SLC35A4: variants seen among roughly 807,000 people sequenced by gnomAD.
SLC35A4 encodes probable UDP-sugar transporter protein SLC35A4.
A neutral mutation model predicts 18.8 loss-of-function variants in SLC35A4; 9 were observed. That is an observed-to-expected ratio of 0.48 (90% CI 0.29 to 0.83). The LOEUF (loss-of-function observed/expected upper bound fraction) is 0.83, where lower values mean the gene tolerates loss of function less well. Among genes scored for constraint, SLC35A4 ranks in the 40% least tolerant of loss-of-function variants. SLC35A4 has a pLI of 0.09. For missense variants in SLC35A4, 404 were observed against 415.5 expected (o/e 0.97, Z 0.24); for synonymous variants, 189 against 191.9 (o/e 0.98, Z 0.13).
At position 140,566,559 on chromosome 5, in the gene SLC35A4, C is replaced by G; in HGVS notation, c.-605-6C>G. 1 of 421,586 alleles carries G rather than the reference C, an allele frequency of 2.4e-6. No individual in the cohort carries two copies. The highest frequency in any genetic ancestry group is 4.2e-6 in the Non-Finnish European group (1 of 239,694). 26.1% of individuals were successfully genotyped at this position (421,586 alleles called of 1,614,324 possible). A position where few individuals can be genotyped will look rare whatever the true frequency, so the allele number is the denominator to read the frequency against. ...GCTAAGTTTCCTTCTGCATTTTTCT[C>G]TGCAGGATGGCTCGCTGTTGTCCTC... On this transcript the variant is annotated splice_region_variant and splice_polypyrimidine_tract_variant and intron_variant, in intron 2 of 2. Transcript: ENST00000323146.
In SLC35A4 at chr5:140,568,330, G is replaced by C. The variant is rs1755243233; in HGVS notation, c.*186G>C. ...GGTGGATGAAGGGGTACCCCTAGGA[G>C]ATGTGAAGTGTGGGTTTGGTTAAGG... On this transcript the variant is annotated 3_prime_UTR_variant, in exon 3 of 3. Transcript: ENST00000323146. The C allele has an allele frequency of 1.1e-6, 1 of 891,260 alleles. No homozygotes were observed. Among genetic ancestry groups the C allele is most frequent in the Non-Finnish European group, 1.7e-6 (1 of 587,046 alleles). 55.2% of individuals were successfully genotyped at this position (891,260 alleles called of 1,614,324 possible). A position where few individuals can be genotyped will look rare whatever the true frequency, so the allele number is the denominator to read the frequency against.
In SLC35A4 at chr5:140,565,971, G is replaced by A; in HGVS notation, c.-606G>A. 1 of 398,914 alleles carries A rather than the reference G, an allele frequency of 2.5e-6. No homozygotes were observed. The highest frequency in any genetic ancestry group is 4.4e-6 in the Non-Finnish European group (1 of 226,040). The allele number at this position is 398,914 out of a possible 1,614,324, so 24.7% of individuals were successfully genotyped here. A position where few individuals can be genotyped will look rare whatever the true frequency, so the allele number is the denominator to read the frequency against. On this transcript the variant is annotated splice_region_variant and 5_prime_UTR_variant, in exon 2 of 3. Coordinates refer to ENST00000323146, the MANE Select transcript of SLC35A4 (RefSeq NM_080670.4). ...ACGAAGTCAACAGTGGAGTGGGCCA[G>A]GTAAGGACTGTCCCACCCCACCCCT...
In SLC35A4 at chr5:140,567,862, G is replaced by C. The variant is rs1437599440; in HGVS notation, c.693G>C (p.Leu231=). 1 of 1,614,196 alleles carries C rather than the reference G, an allele frequency of 6.2e-7. No individual in the cohort carries two copies. The highest frequency in any genetic ancestry group is 8.5e-7 in the Non-Finnish European group (1 of 1,180,034). Residue 231 remains leucine, a synonymous_variant, in exon 3 of 3, where the codon CTG becomes CTC. Transcript: ENST00000323146. ...NLFLYTFGVL[L]NLGLHAGGGS... is the part of the protein sequence containing the mutation. ...TCCTCTACACTTTTGGTGTGCTTCT[G>C]AATCTAGGTCTGCATGCTGGCGGCG...
At position 140,567,433 on chromosome 5, in the gene SLC35A4, C is replaced by T. The variant is rs1294144773; in HGVS notation, c.264C>T (p.Pro88=). The T allele has an allele frequency of 4.3e-6, 7 of 1,614,126 alleles. No homozygotes were observed. The highest frequency in any genetic ancestry group is 1.3e-5 in the African/African-American group (1 of 75,074). Residue 88 remains proline (P), a synonymous_variant, in exon 3 of 3, where the codon CCC becomes CCT. Coordinates refer to ENST00000323146, the MANE Select transcript of SLC35A4 (RefSeq NM_080670.4). ...QGPPPWRQAA[P]FALSALLYGA... ...CCCCACCCTGGCGCCAGGCTGCTCC[C>T]TTCGCACTATCAGCCCTGCTCTATG... is the stretch of plus-strand genomic sequence containing the variant.
rs1206785505 is a variant in SLC35A4 at position 140,564,938 on chromosome 5, T to G, written c.-705+80T>G. On this transcript the variant is annotated intron_variant, in intron 1 of 2. Coordinates refer to ENST00000323146, the MANE Select transcript of SLC35A4 (RefSeq NM_080670.4). This position sits in a 1 kb window ranked among gnomAD's most constrained non-coding sequence, Gnocchi z 5.0. ...CTTTTTAGTTCCGGGGAGAAGCGAC[T>G]CTGGAGCGGCTCAGGAGTGAGGATG... 2 of 400,444 alleles carry G rather than the reference T, an allele frequency of 5.0e-6. No homozygotes were observed. Among genetic ancestry groups the G allele is most frequent in the African/African-American group, 2.1e-5 (1 of 48,626 alleles). 24.8% of individuals were successfully genotyped at this position (400,444 alleles called of 1,614,324 possible).
chr5:140,564,833 C>T lies in SLC35A4; in HGVS notation c.-730C>T, dbSNP rs990840646. On this transcript the variant is annotated 5_prime_UTR_variant, in exon 1 of 3. Transcript: ENST00000323146. This position sits in a 1 kb window ranked among gnomAD's most constrained non-coding sequence, Gnocchi z 5.0. ...CGGGGATGCGCCTGCGCAACAAGTT[C>T]GGCGGGGAAGATGGCGGATGACAAG... The T allele has an allele frequency of 3.7e-5, 15 of 402,302 alleles. No individual in the cohort carries two copies. Among genetic ancestry groups the T allele is most frequent in the African/African-American group, 2.7e-4 (13 of 48,640 alleles). 24.9% of individuals were successfully genotyped at this position (402,302 alleles called of 1,614,324 possible).
intron 1 of SLC35A4, chr5:140,565,088 A>G: frequency 5.1e-6 from 2 of 395,394 alleles, no homozygotes; most frequent in Non-Finnish European, 8.9e-6. Flanking sequence ...ACCATCACGA[A>G]CCCGTTACTA....
Position 140,567,526 on chromosome 5 carries a change from T to TAATC in SLC35A4, c.358_361dup (p.Leu121GlnfsTer240). On this transcript the variant is annotated frameshift_variant, in exon 3 of 3. Transcript: ENST00000323146. LOFTEE classifies it high-confidence loss of function. The stretch of plus-strand genomic sequence containing the variant: ...ACCCCAGCACCTACCAGGTGCTGAG[T>TAATC]AATCTCAAGATTGGAAGCACAGCTG... 1 of 1,614,186 alleles carries TAATC rather than the reference T, an allele frequency of 6.2e-7. No individual in the cohort carries two copies. The highest frequency in any genetic ancestry group is 8.5e-7 in the Non-Finnish European group (1 of 1,180,036).
chr5:140,568,372 C>T lies in SLC35A4; in HGVS notation c.*228C>T. ...TGGTTAAGGAAATGCTTACCATCCCCCACCCCCAACCAAGTTCTTCCAGAC... is the reference window on the plus strand; with the variant it reads ...TGGTTAAGGAAATGCTTACCATCCCTCACCCCCAACCAAGTTCTTCCAGAC... On this transcript the variant is annotated 3_prime_UTR_variant, in exon 3 of 3. Coordinates refer to ENST00000323146, the MANE Select transcript of SLC35A4 (RefSeq NM_080670.4). 1 of 633,922 alleles carries T rather than the reference C, an allele frequency of 1.6e-6. No homozygotes were observed. The allele number at this position is 633,922 out of a possible 1,614,324, so 39.3% of individuals were successfully genotyped here. A position where few individuals can be genotyped will look rare whatever the true frequency, so the allele number is the denominator to read the frequency against.
rs1208404952 is a variant in SLC35A4, at chr5:140,567,266, C to A, written c.97C>A (p.His33Asn). Residue 33 changes from histidine (H) to asparagine (N), a missense_variant, in exon 3 of 3, where the codon CAT (histidine) becomes AAT (asparagine). Transcript: ENST00000323146. ...CCTATCCACTGCCATGTACGGTGCC[C>A]ATGCCCCATTGCTGGCACTGTGCCA... is the stretch of plus-strand genomic sequence containing the variant. ...LLLSTAMYGA[H>N]APLLALCHVD... 1.9e-6 allele frequency: 3 copies of A among 1,614,240 alleles called. No individual in the cohort carries two copies. Among genetic ancestry groups the A allele is most frequent in the Non-Finnish European group, 2.5e-6 (3 of 1,180,040 alleles).
Position 140,567,060 on chromosome 5 carries a change from T to G in SLC35A4, c.-110T>G. On this transcript the variant is annotated 5_prime_UTR_variant, in exon 3 of 3. Coordinates refer to ENST00000323146, the MANE Select transcript of SLC35A4 (RefSeq NM_080670.4). ...TGCCTCTGATCCTCAGTATTCTCTCTGGCAATGTTCCACGGCTTCTCCTTC... is the reference window on the plus strand; with the variant it reads ...TGCCTCTGATCCTCAGTATTCTCTCGGGCAATGTTCCACGGCTTCTCCTTC... 3.2e-6 allele frequency: 5 copies of G among 1,542,222 alleles called. No homozygotes were observed. The highest frequency in any genetic ancestry group is 4.4e-6 in the Non-Finnish European group (5 of 1,124,398).
chr5:140,566,036 A>C (rs976804624), intron 2 of SLC35A4, 65 bp downstream of exon 2: 16 of 398,330 alleles, frequency 4.0e-5, no homozygotes, highest in Admixed American at 1.8e-4. Context: ...TGAGAGTGTT[A>C]AATGGATGGT....
rs1481133839 is a variant in SLC35A4 at position 140,567,349 on chromosome 5, C to G, written c.180C>G (p.Thr60=). The change falls in exon 3 of 3, where the codon ACC becomes ACG. Residue 60 remains threonine, a synonymous_variant. Transcript: ENST00000323146. ...CAGCCGTGCTGCTGACTGAGCTGAC[C>G]AAGCTACTGTTATGCGCCTTCTCCC... ...PSSAVLLTEL[T]KLLLCAFSLL... 3 of 1,614,050 alleles carry G rather than the reference C, an allele frequency of 1.9e-6. No homozygotes were observed. In the East Asian group the frequency reaches 6.7e-5, roughly 36 times the overall value.
At chr5:140,565,067 C>G (rs984991659) in intron 1 of SLC35A4, 3 of 397,030 alleles carry the variant, frequency 7.6e-6, no homozygotes, top group African/African-American at 4.1e-5. Context: ...CCCAGATGTC[C>G]CCTCCTGGGA....
chr5:140,565,789 C>G (rs1755170941), intron 1 of SLC35A4, 84 bp from the exon 2 acceptor site: 1 of 397,434 alleles, frequency 2.5e-6, no homozygotes, highest in East Asian at 3.6e-5. Context: ...CACCCCATCC[C>G]CTCCCAATTC....
In SLC35A4 at chr5:140,567,188, G is replaced by T. The variant is rs746557924; in HGVS notation, c.19G>T (p.Gly7Cys). 4.3e-6 allele frequency: 7 copies of T among 1,614,070 alleles called. No individual in the cohort carries two copies. Among genetic ancestry groups the T allele is most frequent in the Non-Finnish European group, 5.1e-6 (6 of 1,180,026 alleles). The change falls in exon 3 of 3, where the codon GGT (glycine) becomes TGT (cysteine). Residue 7 changes from glycine (G) to cysteine (C), a missense_variant. Coordinates refer to ENST00000323146, the MANE Select transcript of SLC35A4 (RefSeq NM_080670.4). ...TGTGGGTATGAGTGTAGAGGATGGGGGTATGCCAGGCCTGGGCCGTCCCAG... is the reference window on the plus strand; with the variant it reads ...TGTGGGTATGAGTGTAGAGGATGGGTGTATGCCAGGCCTGGGCCGTCCCAG... MSVEDG[G>C]MPGLGRPRQA...
At position 140,567,719 on chromosome 5, in the gene SLC35A4, A is replaced by G. The variant is rs1172224459; in HGVS notation, c.550A>G (p.Ile184Val). 1.2e-6 allele frequency: 2 copies of G among 1,614,134 alleles called. No homozygotes were observed. Among genetic ancestry groups the G allele is most frequent in the Admixed American group, 1.7e-5 (1 of 60,036 alleles). Residue 184 changes from isoleucine to valine, a missense_variant, in exon 3 of 3, where the codon ATC becomes GTC. Physicochemically the swap from Ile to Val is conservative, Grantham distance 29. Transcript: ENST00000323146. ...AAAASPMPLHITPLGLLLLIL... is the reference protein window; with the variant it reads ...AAAASPMPLHVTPLGLLLLIL... ...TGCTGCCAGCCCCATGCCCCTGCAT[A>G]TCACTCCGCTAGGCCTGCTGCTCCT...
chr5:140,565,163 A>G (rs1561877828), intron 1 of SLC35A4: 1 of 353,988 alleles, frequency 2.8e-6, no homozygotes, highest in East Asian at 4.2e-5. Flanking sequence ...AGCTCCCGAA[A>G]TTTTCTTCCC....
At position 140,565,910 on chromosome 5, in the gene SLC35A4, A is replaced by T. The variant is rs1755175395; in HGVS notation, c.-667A>T. ...AAGCTTAAGGACCTGGCATTTCTCAAGAACCAGCTGGAAAGCCTGCAGCGG... is the reference window on the plus strand; with the variant it reads ...AAGCTTAAGGACCTGGCATTTCTCATGAACCAGCTGGAAAGCCTGCAGCGG... On this transcript the variant is annotated 5_prime_UTR_variant, in exon 2 of 3. The change creates a new upstream start codon in the 5' untranslated region. Transcript: ENST00000323146. 2.5e-6 allele frequency: 1 copy of T among 398,896 alleles called. No homozygotes were observed. Among genetic ancestry groups the T allele is most frequent in the Admixed American group, 4.4e-5 (1 of 22,710 alleles). The allele number at this position is 398,896 out of a possible 1,614,324, so 24.7% of individuals were successfully genotyped here. A position where few individuals can be genotyped will look rare whatever the true frequency, so the allele number is the denominator to read the frequency against.
Sources: allele counts gnomAD v4.1 joint callset, GRCh38; gene constraint gnomAD v4.1.1; non-coding constraint Gnocchi (gnomAD v3.1); transcripts MANE v1.5; gene names NCBI Gene and HGNC (gene_info 2026-07-23, HGNC 2026-07-21).